The following CLYBL variants were observed in gnomAD, a reference collection of about 807,000 sequenced individuals.
CLYBL encodes citramalyl-CoA lyase, mitochondrial.
A neutral mutation model predicts 38.9 loss-of-function variants in CLYBL; 31 were observed. The observed-to-expected ratio is 0.80, with a 90% CI of 0.60 to 1.08. The LOEUF (loss-of-function observed/expected upper bound fraction) is 1.08, where lower values mean the gene tolerates loss of function less well. Among genes scored for constraint, CLYBL ranks in the 50% least tolerant of loss-of-function variants. The pLI is 0.00. For missense variants in CLYBL, 434 were observed against 411.6 expected, an observed-to-expected ratio of 1.05 and a Z score of -0.47; for synonymous variants, 171 against 158.6, an observed-to-expected ratio of 1.08 and a Z score of -0.59.
chr13:99,692,753 T>G (rs564918353), intron 1 of CLYBL, among the ~76,000 whole-genome samples: 1 of 152,330 alleles, frequency 6.6e-6, no homozygotes, highest in East Asian at 1.9e-4. Context: ...TCCTTTCTCC[T>G]GACAACCACT....
At chr13:99,881,872 T>G (rs1446166325) in intron 7 of CLYBL, among the ~76,000 whole-genome samples, 1 of 152,188 alleles carries the variant, frequency 6.6e-6, no homozygotes, top group East Asian at 1.9e-4. Context: ...TATATTGTAT[T>G]ATTGAATTCT....
intron 2 of CLYBL, among the ~76,000 whole-genome samples, chr13:99,782,897 C>G (rs1228197907): frequency 6.6e-6 from 1 of 152,104 alleles, no homozygotes; most frequent in South Asian, 2.1e-4. Context: ...CTCCTTCTCT[C>G]TTAATATCTT....
At chr13:99,851,298 C>T (rs1446649149) in intron 2 of CLYBL, among the ~76,000 whole-genome samples, 4 of 131,628 alleles carry the variant, frequency 3.0e-5, no homozygotes, top group Middle Eastern at 4.5e-3. Context: ...GTACGGGAGG[C>T]GGAGGTTGCA....
intron 1 of CLYBL, among the ~76,000 whole-genome samples, chr13:99,724,433 G>A (rs2048438968): frequency 6.6e-6 from 1 of 151,966 alleles, no homozygotes; most frequent in Non-Finnish European, 1.5e-5. Flanking sequence ...TGGCGGTGGA[G>A]TATTTTCACA....
intron 2 of CLYBL, among the ~76,000 whole-genome samples, chr13:99,832,995 C>CATATATATAT (rs1566345599): frequency 2.4e-4 from 11 of 46,098 alleles, no homozygotes; most frequent in Non-Finnish European, 3.4e-4. Flanking sequence ...GTAGTATATA[C>CATATATATAT]ATACATACAT....
chr13:99,858,958 C>T lies in CLYBL; in HGVS notation c.347C>T (p.Ala116Val), dbSNP rs200083846. The part of the protein sequence containing the change: ...VRVNSVSSGL[A>V]EEDLETLLQS... Reference sequence around the variant, plus strand: ...GTCAACTCAGTTTCCAGTGGTCTGGCGGAAGAAGACCTAGAGACCCTTTTG... The same window carrying T: ...GTCAACTCAGTTTCCAGTGGTCTGGTGGAAGAAGACCTAGAGACCCTTTTG... Residue 116 changes from alanine (A) to valine (V), a missense_variant, in exon 3 of 9, where the codon GCG becomes GTG. Ala to Val is a moderately conservative substitution (Grantham distance 64, BLOSUM62 0). Coordinates refer to ENST00000339105, the MANE Select transcript of CLYBL (RefSeq NM_206808.5). 16 of 1,613,858 alleles carry T rather than the reference C, an allele frequency of 9.9e-6. No individual in the cohort carries two copies. The highest frequency in any genetic ancestry group is 3.3e-5 in the South Asian group (3 of 91,066).
intron 1 of CLYBL, among the ~76,000 whole-genome samples, chr13:99,736,046 T>TC (rs1483373292): frequency 1.5e-5 from 2 of 137,924 alleles, no homozygotes; most frequent in East Asian, 2.1e-4. Flanking sequence ...TTCTTTTTTT[T>TC]TTTTTTTTTT....
At chr13:99,879,553 A>G (rs2052141032) in intron 7 of CLYBL, among the ~76,000 whole-genome samples, 1 of 152,128 alleles carries the variant, frequency 6.6e-6, no homozygotes, top group Non-Finnish European at 1.5e-5. Context: ...AATTTTTCTA[A>G]ATTTATTTGT....
chr13:99,653,145 G>A (rs2047279903), intron 1 of CLYBL, among the ~76,000 whole-genome samples: 1 of 152,210 alleles, frequency 6.6e-6, no homozygotes, highest in Non-Finnish European at 1.5e-5. Flanking sequence ...GTAGAGGGGA[G>A]TGGTGGAGAG....
At chr13:99,760,043 T>A (rs901484247) in intron 1 of CLYBL, among the ~76,000 whole-genome samples, 7 of 152,244 alleles carry the variant, frequency 4.6e-5, no homozygotes, top group African/African-American at 1.4e-4. Context: ...TATTCAGATT[T>A]TCTGTTTCTT....
chr13:99,629,019 G>T (rs1046163540), intron 1 of CLYBL, among the ~76,000 whole-genome samples: 1 of 152,232 alleles, frequency 6.6e-6, no homozygotes, highest in Non-Finnish European at 1.5e-5. Flanking sequence ...CTGCCGCCCA[G>T]TTCCTGCTGC....
chr13:99,710,022 C>T (rs1339509401), intron 1 of CLYBL, among the ~76,000 whole-genome samples: 1 of 145,724 alleles, frequency 6.9e-6, no homozygotes, highest in African/African-American at 2.5e-5. Flanking sequence ...CTCCCAGGTT[C>T]ACGCCATTCT....
At chr13:99,640,630 A>C (rs895138115) in intron 1 of CLYBL, among the ~76,000 whole-genome samples, 10 of 152,232 alleles carry the variant, frequency 6.6e-5, no homozygotes, top group African/African-American at 2.2e-4. Flanking sequence ...AGTATATCCA[A>C]AACATTGCTG....
chr13:99,819,145 A>G (rs2050521943), intron 2 of CLYBL, among the ~76,000 whole-genome samples: 1 of 151,988 alleles, frequency 6.6e-6, no homozygotes. Context: ...CAGGAGTTTG[A>G]AACCAGCCTG....
intron 2 of CLYBL, among the ~76,000 whole-genome samples, chr13:99,792,431 C>T (rs922283079): frequency 1.2e-4 from 19 of 152,200 alleles, no homozygotes; most frequent in African/African-American, 4.1e-4. Flanking sequence ...CAGCCGCTCT[C>T]TTCTCAGCCA....
At chr13:99,907,915 T>C (rs1293199060) in intron 9 of CLYBL, among the ~76,000 whole-genome samples, 5 of 152,194 alleles carry the variant, frequency 3.3e-5, no homozygotes, top group African/African-American at 1.2e-4. Flanking sequence ...ACTTTGGGCA[T>C]GGGCTTGCGA....
chr13:99,804,133 C>T (rs2050186714), intron 2 of CLYBL, among the ~76,000 whole-genome samples: 1 of 152,200 alleles, frequency 6.6e-6, no homozygotes, highest in Non-Finnish European at 1.5e-5. Context: ...TTTCACTCAA[C>T]AGGAGAAATA....
Position 99,644,232 on chromosome 13 carries a change from GTGTA to G in CLYBL, c.62+37485_62+37488del, listed in dbSNP as rs751236448. Among the ~76,000 whole-genome samples the G allele has an allele frequency of 1.3e-3, 194 of 151,664 alleles. 1 individual carries two copies. The highest frequency in any genetic ancestry group is 4.2e-3 in the African/African-American group (175 of 41,294). On this transcript the variant is annotated intron_variant, in intron 1 of 8. Transcript: ENST00000339105. ...TGTATATGTGGTGTATGTATATGTG[GTGTA>G]TGTATGTATATGTGGTGTATGTATG...
In CLYBL at chr13:99,752,972, A is replaced by G. The variant is rs143317357; in HGVS notation, c.63-19852A>G. Among the ~76,000 whole-genome samples, 35 of 152,220 alleles carry G rather than the reference A, an allele frequency of 2.3e-4. No homozygotes were observed. In the East Asian group the frequency reaches 6.8e-3, roughly 30 times the overall value. On this transcript the variant is annotated intron_variant, in intron 1 of 8. Coordinates refer to ENST00000339105, the MANE Select transcript of CLYBL (RefSeq NM_206808.5). ...TCAAAAGGGGAAGGCCTGTGAAGGG[A>G]AGGGCGGGGTTCTGGAGGACAGCAT... is the stretch of plus-strand genomic sequence containing the variant.
Sources: gnomAD v4.1 joint callset for allele counts (sites outside exome capture counted in the v4.1 genomes callset) on GRCh38, gnomAD v4.1.1 for gene constraint, MANE v1.5 for transcripts, NCBI Gene and HGNC (gene_info 2026-07-23, HGNC 2026-07-21) for gene names.